The following VRK2 variants were observed in gnomAD, a reference collection of about 807,000 sequenced individuals.
VRK2 encodes VRK serine/threonine kinase 2, also known as serine/threonine-protein kinase VRK2.
VRK2 carries 60 observed loss-of-function variants against 57.6 expected under a neutral mutation model. The observed-to-expected ratio is 1.04, with a 90% CI of 0.85 to 1.29. VRK2 has a LOEUF of 1.29. VRK2 is among the 50% of genes most tolerant of loss of function. The probability of loss-of-function intolerance (pLI) is 0.00; values close to 1 mark genes in which losing one functional copy is unlikely to be tolerated. For missense variants in VRK2, 705 were observed against 588.1 expected (o/e 1.20, Z -2.06); for synonymous variants, 231 against 199.2 (o/e 1.16, Z -1.35).
chr2:58,052,062 G>A (rs1675825787), intron 2 of VRK2, among the ~76,000 whole-genome samples: 1 of 152,166 alleles, frequency 6.6e-6, no homozygotes, highest in Non-Finnish European at 1.5e-5. Flanking sequence ...GTATAACACA[G>A]AACCAAGTAA....
At chr2:57,931,930 C>T (rs1193140050) in intron 1 of VRK2, among the ~76,000 whole-genome samples, 1 of 151,450 alleles carries the variant, frequency 6.6e-6, no homozygotes, top group Non-Finnish European at 1.5e-5. Context: ...GTTGAATGTA[C>T]GTACATAGGT....
chr2:58,124,491 A>G (rs535655577), intron 8 of VRK2, among the ~76,000 whole-genome samples: 3 of 152,254 alleles, frequency 2.0e-5, no homozygotes, highest in Non-Finnish European at 4.4e-5. Flanking sequence ...GCTAAACCAA[A>G]CAATTTTTAA....
At chr2:57,992,256 A>T (rs928656147) in intron 1 of VRK2, among the ~76,000 whole-genome samples, 1 of 152,214 alleles carries the variant, frequency 6.6e-6, no homozygotes, top group Non-Finnish European at 1.5e-5. Flanking sequence ...GTGTTGCCTC[A>T]GTAATTACTG....
chr2:58,098,273 G>C (rs182038071), intron 7 of VRK2, among the ~76,000 whole-genome samples: 32 of 152,086 alleles, frequency 2.1e-4, no homozygotes, highest in Middle Eastern at 3.4e-3. Context: ...AGTATGGTAT[G>C]GTAAGCTAAG....
chr2:58,082,595 G>T (rs13399695), intron 2 of VRK2, among the ~76,000 whole-genome samples: 58,802 of 151,684 alleles, frequency 0.39, 14,161 homozygotes, highest in African/African-American at 0.7. Flanking sequence ...ACCAAGACTG[G>T]ACTCTGTCCC....
intron 3 of VRK2, among the ~76,000 whole-genome samples, chr2:58,035,854 A>G (rs1294637669): frequency 6.6e-6 from 1 of 152,062 alleles, no homozygotes; most frequent in Non-Finnish European, 1.5e-5. Flanking sequence ...AAATGGGGAT[A>G]ATATTTGGGT....
Position 58,088,340 on chromosome 2 carries a change from G to T in VRK2, c.345-1G>T, listed in dbSNP as rs770700809. 1.3e-6 allele frequency: 2 copies of T among 1,593,036 alleles called. No individual in the cohort carries two copies. Among genetic ancestry groups the T allele is most frequent in the Non-Finnish European group, 1.7e-6 (2 of 1,166,240 alleles). ...CTCTTTTTGATGCTTTTTTCTTACA[G>T]TTACAGATTTATGGTAATGGAAAGA... On this transcript the variant is annotated splice_acceptor_variant, in intron 5 of 12. Transcript: ENST00000340157. LOFTEE classifies it high-confidence loss of function.
In VRK2 at chr2:58,025,278, T is replaced by A. The variant is rs574561721; in HGVS notation, c.-438-387T>A. ...GCATTGCTCATATTTTTTTTTTTTT[T>A]AACTATTAGTTAATATCTATAAAGC... On this transcript the variant is annotated intron_variant, in intron 1 of 15. Transcript: ENST00000417641. Among the ~76,000 whole-genome samples the A allele has an allele frequency of 2.9e-3, 437 of 149,970 alleles. 2 individuals are homozygous for A. Among genetic ancestry groups the A allele is most frequent in the Non-Finnish European group, 5.1e-3 (347 of 67,722 alleles).
chr2:57,949,321 C>T (rs1454473608), intron 1 of VRK2, among the ~76,000 whole-genome samples: 1 of 152,162 alleles, frequency 6.6e-6, no homozygotes, highest in African/African-American at 2.4e-5. Context: ...TGTGGCAACC[C>T]TGCATCGAGT....
At chr2:57,909,132 G>A (rs1037111043) in intron 1 of VRK2, among the ~76,000 whole-genome samples, 2 of 152,166 alleles carry the variant, frequency 1.3e-5, no homozygotes, top group African/African-American at 4.8e-5. Flanking sequence ...GGAGCTTCCT[G>A]ATTCTCAAGT....
chr2:58,028,070 A>G (rs1314564932), intron 2 of VRK2, among the ~76,000 whole-genome samples: 1 of 152,160 alleles, frequency 6.6e-6, no homozygotes, highest in Non-Finnish European at 1.5e-5. Context: ...GACTCAAACA[A>G]TCCCTTAATC....
chr2:58,004,679 C>A (rs1327046626), intron 1 of VRK2, among the ~76,000 whole-genome samples: 1 of 152,062 alleles, frequency 6.6e-6, no homozygotes, highest in Non-Finnish European at 1.5e-5. Flanking sequence ...ATGTCCTCTG[C>A]CAAAGAAAAG....
rs80175642 is a variant in VRK2, at chr2:58,125,456, T to A, written c.676+2223T>A. On this transcript the variant is annotated intron_variant, in intron 8 of 12. Transcript: ENST00000340157. Reference sequence around the variant, plus strand: ...GGTAAGATTTCACCACCCTCGGTCTTTGGGGAGAAGACTGAACTGAGAATG... The same window carrying A: ...GGTAAGATTTCACCACCCTCGGTCTATGGGGAGAAGACTGAACTGAGAATG... Among the ~76,000 whole-genome samples the A allele has an allele frequency of 3.3e-3, 500 of 152,186 alleles. 5 individuals are homozygous for A. Among genetic ancestry groups the A allele is most frequent in the African/African-American group, 0.011 (460 of 41,540 alleles).
At chr2:58,069,617 G>T (rs1228823693) in intron 2 of VRK2, among the ~76,000 whole-genome samples, 1 of 152,138 alleles carries the variant, frequency 6.6e-6, no homozygotes, top group South Asian at 2.1e-4. Context: ...CATTTGATTG[G>T]AGAGGAAAGT....
intron 2 of VRK2, among the ~76,000 whole-genome samples, chr2:58,061,661 G>T (rs926000213): frequency 6.6e-6 from 1 of 151,948 alleles, no homozygotes; most frequent in African/African-American, 2.4e-5. Flanking sequence ...AAACAAGGAT[G>T]TATATAGGGT....
chr2:57,957,031 G>A (rs1221640663), intron 1 of VRK2, among the ~76,000 whole-genome samples: 1 of 151,910 alleles, frequency 6.6e-6, no homozygotes, highest in Non-Finnish European at 1.5e-5. Flanking sequence ...TGATTCCTTA[G>A]GAAATTATTC....
At chr2:58,019,933 G>T (rs1253320869) in intron 1 of VRK2, among the ~76,000 whole-genome samples, 2 of 152,074 alleles carry the variant, frequency 1.3e-5, no homozygotes, top group Non-Finnish European at 2.9e-5. Context: ...AGCACTTTAG[G>T]AATGGATTTA....
intron 1 of VRK2, among the ~76,000 whole-genome samples, chr2:57,983,172 T>C (rs186286620): frequency 1.3e-5 from 2 of 152,314 alleles, no homozygotes; most frequent in African/African-American, 2.4e-5. Flanking sequence ...GCTGATCTAC[T>C]TGAGGGCCTG....
intron 1 of VRK2, among the ~76,000 whole-genome samples, chr2:57,928,959 C>A (rs912665192): frequency 3.3e-5 from 5 of 152,210 alleles, no homozygotes; most frequent in Non-Finnish European, 5.9e-5. Context: ...AGGGATGACA[C>A]AGCACCCTAG....
Sources: gnomAD v4.1 joint callset for allele counts (sites outside exome capture counted in the v4.1 genomes callset) on GRCh38, gnomAD v4.1.1 for gene constraint, MANE v1.5 for transcripts, NCBI Gene and HGNC (gene_info 2026-07-23, HGNC 2026-07-21) for gene names.